The following RNF150 variants were observed in gnomAD, a reference collection of about 807,000 sequenced individuals.
RNF150 encodes ring finger protein 150.
A neutral mutation model predicts 39.3 loss-of-function variants in RNF150; 24 were observed. The ratio of observed to expected loss-of-function variants is 0.61; its 90% confidence interval spans 0.44 to 0.86. RNF150 has a LOEUF of 0.86. Among genes scored for constraint, RNF150 ranks in the 40% least tolerant of loss-of-function variants. The pLI, the probability that RNF150 is intolerant of heterozygous loss-of-function variation, is 0.00. For missense variants in RNF150, 502 were observed against 587.8 expected, an observed-to-expected ratio of 0.85 and a Z score of 1.51; for synonymous variants, 255 against 227.3, an observed-to-expected ratio of 1.12 and a Z score of -1.10.
intron 1 of RNF150, among the ~76,000 whole-genome samples, chr4:141,140,714 C>T (rs1311866415): frequency 6.6e-6 from 1 of 152,174 alleles, no homozygotes; most frequent in East Asian, 1.9e-4. Context: ...AGCTGTTAGA[C>T]ACAAGCATCT....
At chr4:140,965,542 A>G (rs1370918120) in intron 2 of RNF150, among the ~76,000 whole-genome samples, 1 of 152,138 alleles carries the variant, frequency 6.6e-6, no homozygotes, top group Non-Finnish European at 1.5e-5. Context: ...ATGTATATAC[A>G]TACACACATA....
At chr4:140,915,766 C>T (rs1182439257) in intron 5 of RNF150, among the ~76,000 whole-genome samples, 1 of 152,182 alleles carries the variant, frequency 6.6e-6, no homozygotes, top group African/African-American at 2.4e-5. Flanking sequence ...GGTCCCTGAC[C>T]CCCGAGTAGC....
intron 1 of RNF150, among the ~76,000 whole-genome samples, chr4:141,200,550 C>T (rs945661920): frequency 1.3e-5 from 2 of 151,818 alleles, no homozygotes; most frequent in South Asian, 2.1e-4. Flanking sequence ...TATAAGGGCA[C>T]TAATCTCATT....
At chr4:140,929,360 T>G (rs1731525822) in intron 4 of RNF150, among the ~76,000 whole-genome samples, 1 of 4,596 alleles carries the variant, frequency 2.2e-4, no homozygotes, top group Non-Finnish European at 7.1e-4. Context: ...GATGCTAAGT[T>G]TTTTTTTTTT....
At chr4:141,201,594 C>T (rs139763762) in intron 1 of RNF150, among the ~76,000 whole-genome samples, 4 of 151,094 alleles carry the variant, frequency 2.6e-5, no homozygotes, top group African/African-American at 9.8e-5. Flanking sequence ...TCCTCATTGT[C>T]TCCATGAAAA....
chr4:140,925,619 AC>A (rs1263666958), intron 5 of RNF150, among the ~76,000 whole-genome samples: 1 of 152,108 alleles, frequency 6.6e-6, no homozygotes, highest in African/African-American at 2.4e-5. Context: ...TGATGGCCAA[AC>A]AAGGGTGATG....
chr4:141,026,658 T>C lies in RNF150; in HGVS notation c.485-58785A>G, dbSNP rs76897382. Among the ~76,000 whole-genome samples the C allele has an allele frequency of 3.7e-3, 561 of 152,316 alleles. 14 individuals carry two copies. In the East Asian group the frequency reaches 0.091, roughly 25 times the overall value. Reference sequence around the variant, plus strand: ...ACATATACTCCCAGGGGTAATATGGTATGTAGTATAATGTTTCACAAACGT... The same window carrying C: ...ACATATACTCCCAGGGGTAATATGGCATGTAGTATAATGTTTCACAAACGT... On this transcript the variant is annotated intron_variant, in intron 1 of 6. Coordinates refer to ENST00000515673, the MANE Select transcript of RNF150 (RefSeq NM_020724.2).
chr4:141,143,560 AAG>A (rs935311993), intron 1 of RNF150, among the ~76,000 whole-genome samples: 1 of 152,182 alleles, frequency 6.6e-6, no homozygotes, highest in Non-Finnish European at 1.5e-5. Context: ...TAACTGGACT[AAG>A]GGCTTCCCTG....
At position 141,045,586 on chromosome 4, in the gene RNF150, C is replaced by T. The variant is rs565865367; in HGVS notation, c.485-77713G>A. Among the ~76,000 whole-genome samples, 38 of 151,714 alleles carry T rather than the reference C, an allele frequency of 2.5e-4. No homozygotes were observed. The East Asian group carries it at 4.1e-3, about 16-fold the overall frequency. On this transcript the variant is annotated intron_variant, in intron 1 of 6. Transcript: ENST00000515673. ...GAAACGGAGTTTCGTTCTTGTTGCC[C>T]AGGCTGGAATGCAGTGGCGTGATCT...
intron 1 of RNF150, among the ~76,000 whole-genome samples, chr4:141,142,876 T>TC (rs1727144087): frequency 6.8e-6 from 1 of 146,282 alleles, no homozygotes; most frequent in East Asian, 2.0e-4. Flanking sequence ...TTTTTTCTCT[T>TC]TTTTTTTTTT....
At chr4:140,962,396 A>G (rs991044026) in intron 2 of RNF150, among the ~76,000 whole-genome samples, 4 of 151,766 alleles carry the variant, frequency 2.6e-5, no homozygotes, top group African/African-American at 9.7e-5. Flanking sequence ...ATATACACAC[A>G]CATATATAAT....
chr4:140,893,407 A>G (rs1729828003), intron 6 of RNF150, among the ~76,000 whole-genome samples: 1 of 152,222 alleles, frequency 6.6e-6, no homozygotes, highest in Non-Finnish European at 1.5e-5. Context: ...AAGGGGACTT[A>G]TGCTCTTTTG....
chr4:141,054,779 C>T (rs947248063), intron 1 of RNF150, among the ~76,000 whole-genome samples: 36 of 152,056 alleles, frequency 2.4e-4, no homozygotes, highest in Admixed American at 2.4e-3. Context: ...TTATCCAATA[C>T]TGAGAAATGT....
chr4:141,174,069 A>G (rs561509661), intron 1 of RNF150, among the ~76,000 whole-genome samples: 2 of 152,218 alleles, frequency 1.3e-5, no homozygotes, highest in Non-Finnish European at 2.9e-5. Flanking sequence ...TGACTTCAGT[A>G]GTCATTTCCC....
At chr4:141,195,207 A>T (rs929655929) in intron 1 of RNF150, among the ~76,000 whole-genome samples, 3 of 152,006 alleles carry the variant, frequency 2.0e-5, no homozygotes, top group Non-Finnish European at 2.9e-5. Context: ...TCGATTACCC[A>T]CTGGGGATCC....
intron 1 of RNF150, among the ~76,000 whole-genome samples, chr4:141,080,708 C>T (rs901631316): frequency 4.6e-5 from 7 of 152,272 alleles, no homozygotes; most frequent in Non-Finnish European, 1.0e-4. Context: ...AATGTGTCAG[C>T]TGTCACCATC....
In RNF150 at chr4:140,862,430, A is replaced by G. The variant is rs1168145453; in HGVS notation, c.*5831T>C. The G allele has an allele frequency of 6.6e-6, 1 of 152,008 alleles. No individual in the cohort carries two copies. Among genetic ancestry groups the G allele is most frequent in the Non-Finnish European group, 1.5e-5 (1 of 68,044 alleles). 9.4% of individuals were successfully genotyped at this position (152,008 alleles called of 1,614,324 possible). ...GGTGAAGAGAGATGTGACTGACCTT[A>G]GCAGGTTCTTGTAGAACAAGCAGGA... On this transcript the variant is annotated 3_prime_UTR_variant, in exon 7 of 7. Transcript: ENST00000515673.
chr4:140,991,676 G>A (rs961271850), intron 1 of RNF150, among the ~76,000 whole-genome samples: 2 of 152,122 alleles, frequency 1.3e-5, no homozygotes, highest in Non-Finnish European at 2.9e-5. Flanking sequence ...GCAAAAGACA[G>A]TTACATATTT....
In RNF150 at chr4:141,152,008, C is replaced by CA. The variant is rs879773313; in HGVS notation, c.-6+60785dup. ...CTTTTACAAAACTTTCATTGACAGC[C>CA]AAAAAAAAAAATGTGGAGTTCAGTA... On this transcript the variant is annotated intron_variant, in intron 1 of 7. Coordinates refer to the RNF150 transcript ENST00000420921. Among the ~76,000 whole-genome samples, 917 of 144,314 alleles carry CA rather than the reference C, an allele frequency of 6.4e-3. 29 individuals are homozygous for CA. The highest frequency in any genetic ancestry group is 0.046 in the Admixed American group (671 of 14,566). 94.7% of individuals were successfully genotyped at this position (144,314 alleles called of 152,430 possible). A position where few individuals can be genotyped will look rare whatever the true frequency, so the allele number is the denominator to read the frequency against.
Sources: gnomAD v4.1 joint callset for allele counts (sites outside exome capture counted in the v4.1 genomes callset) on GRCh38, gnomAD v4.1.1 for gene constraint, MANE v1.5 for transcripts, NCBI Gene and HGNC (gene_info 2026-07-23, HGNC 2026-07-21) for gene names.